Variants in FAT3 observed in about 807,000 individuals in gnomAD.
FAT3 encodes the protein protocadherin Fat 3.
In FAT3, 95 loss-of-function variants were observed where a neutral mutation model predicts 310.2. The observed-to-expected ratio is 0.31, with a 90% CI of 0.26 to 0.36. The LOEUF is 0.36. Ranked by LOEUF, FAT3 falls within the 10% of genes least tolerant of loss-of-function variation. The pLI is 1.00. For missense variants in FAT3, 5,408 were observed against 5,715.6 expected, an observed-to-expected ratio of 0.95 and a Z score of 1.74; for synonymous variants, 2,314 against 2,192.9, an observed-to-expected ratio of 1.06 and a Z score of -1.54.
intron 2 of FAT3, chr11:92,400,488 A>G (rs1949988701): frequency 6.6e-6 from 1 of 152,236 alleles, no homozygotes; most frequent in African/African-American, 2.4e-5. Flanking sequence ...ATTATGAAAG[A>G]AACCAAAATA....
chr11:92,339,556 T>C (rs1288545383), intron 1 of FAT3, among the ~76,000 whole-genome samples: 2 of 152,148 alleles, frequency 1.3e-5, no homozygotes, highest in Non-Finnish European at 2.9e-5. Context: ...TTTAGAATAA[T>C]AGTAAGTATT....
chr11:92,806,259 A>G (rs1413359460), intron 11 of FAT3, 103 bp from the exon 12 acceptor site: 6 of 1,075,090 alleles, frequency 5.6e-6, no homozygotes, highest in Non-Finnish European at 8.0e-6. Flanking sequence ...ACAAAAGCTA[A>G]ATTATATAAA....
At chr11:92,538,192 A>C (rs1417717755) in intron 3 of FAT3, among the ~76,000 whole-genome samples, 1 of 152,114 alleles carries the variant, frequency 6.6e-6, no homozygotes, top group Non-Finnish European at 1.5e-5. Flanking sequence ...TATTAAGTGT[A>C]TTATTCTATT....
intron 3 of FAT3, among the ~76,000 whole-genome samples, chr11:92,644,735 A>G (rs369663774): frequency 3.3e-5 from 5 of 152,214 alleles, no homozygotes; most frequent in Admixed American, 2.0e-4. Context: ...CTGCCTTTTC[A>G]TAGCTCATTG....
chr11:92,655,023 A>G (rs1350688964), intron 3 of FAT3, among the ~76,000 whole-genome samples: 2 of 152,058 alleles, frequency 1.3e-5, no homozygotes, highest in African/African-American at 4.8e-5. Context: ...GACCTCTTCC[A>G]GGTTTCTGAA....
At chr11:92,239,834 A>G (rs1011340367) in intron 1 of FAT3, among the ~76,000 whole-genome samples, 1 of 152,196 alleles carries the variant, frequency 6.6e-6, no homozygotes, top group Admixed American at 6.5e-5. Flanking sequence ...TTGAATCACA[A>G]TTACCCTCTG....
At chr11:92,487,044 ATCT>A (rs1410620678) in intron 2 of FAT3, among the ~76,000 whole-genome samples, 5 of 152,312 alleles carry the variant, frequency 3.3e-5, no homozygotes, top group Middle Eastern at 6.8e-3. Context: ...CAGAAGAAAC[ATCT>A]TCTGCCCCTT....
At chr11:92,710,710 G>A (rs1481903122) in intron 4 of FAT3, among the ~76,000 whole-genome samples, 9 of 152,148 alleles carry the variant, frequency 5.9e-5, no homozygotes, top group African/African-American at 7.2e-5. Context: ...GCGCAAGGCC[G>A]TGACAGACCC....
rs1242366302 is a variant in FAT3 at position 92,878,651 on chromosome 11, AAAAAAAAAAAAAAAAAG to A, written c.12128-2079_12128-2063del. On this transcript the variant is annotated intron_variant, in intron 22 of 27. Transcript: ENST00000525166. ...TTATGTGTTAAAAAAAAAAAAAAAAAAAAAAAAAAAAAAAAAGCTCCGCACAAAAAAAGTTCTTGGAA... is the reference window on the plus strand; with the variant it reads ...TTATGTGTTAAAAAAAAAAAAAAAAACTCCGCACAAAAAAAGTTCTTGGAA... Among the ~76,000 whole-genome samples the A allele has an allele frequency of 5.8e-3, 789 of 136,036 alleles. 29 individuals are homozygous for A. The highest frequency in any genetic ancestry group is 0.021 in the African/African-American group (717 of 33,736). 89.2% of individuals were successfully genotyped at this position (136,036 alleles called of 152,430 possible).
rs1338960656 is a variant in FAT3 at position 92,891,253 on chromosome 11, A to G, written c.*140A>G. 2 of 1,164,060 alleles carry G rather than the reference A, an allele frequency of 1.7e-6. No individual in the cohort carries two copies. Among genetic ancestry groups the G allele is most frequent in the Non-Finnish European group, 2.4e-6 (2 of 839,492 alleles). 72.1% of individuals were successfully genotyped at this position (1,164,060 alleles called of 1,614,324 possible). On this transcript the variant is annotated 3_prime_UTR_variant, in exon 28 of 28. Transcript: ENST00000525166. Reference sequence around the variant, plus strand: ...TCCACTAGAAACTTCTTCACAAGTCATACTGTCCCAACAAGCAAGCTTGAT... The same window carrying G: ...TCCACTAGAAACTTCTTCACAAGTCGTACTGTCCCAACAAGCAAGCTTGAT...
intron 1 of FAT3, among the ~76,000 whole-genome samples, chr11:92,270,449 C>T (rs1251951365): frequency 2.6e-5 from 4 of 151,502 alleles, no homozygotes; most frequent in African/African-American, 7.3e-5. Context: ...GAGGCAGAGG[C>T]GGGTGTATCA....
intron 2 of FAT3, among the ~76,000 whole-genome samples, chr11:92,396,753 C>T (rs1565284120): frequency 6.6e-6 from 1 of 152,128 alleles, no homozygotes. Context: ...GTTGCTCAAG[C>T]TGGAGTGTGG....
chr11:92,765,159 AAAAAG>A (rs1946271305), intron 6 of FAT3, 70 bp downstream of exon 6: 19 of 1,337,922 alleles, frequency 1.4e-5, no homozygotes, highest in South Asian at 7.6e-5. Flanking sequence ...GAAAAAAAAA[AAAAAG>A]AAAGAAAGCA....
At chr11:92,344,011 T>C (rs990395130) in intron 1 of FAT3, among the ~76,000 whole-genome samples, 1 of 152,162 alleles carries the variant, frequency 6.6e-6, no homozygotes, top group South Asian at 2.1e-4. Context: ...CATGATCAAA[T>C]AGATTTTTGA....
Position 92,641,333 on chromosome 11 carries a change from A to G in FAT3, c.3608-56051A>G, listed in dbSNP as rs150213799. Among the ~76,000 whole-genome samples, 250 of 152,348 alleles carry G rather than the reference A, an allele frequency of 1.6e-3. 3 individuals are homozygous for G. The highest frequency in any genetic ancestry group is 5.7e-3 in the African/African-American group (235 of 41,582). On this transcript the variant is annotated intron_variant, in intron 3 of 27. Transcript: ENST00000525166. ...TCTGCATAATTATAAATGTACTCTA[A>G]TAGCTTTTTAGTTTCCTAGGGCCAA...
At chr11:92,335,044 C>A (rs1280416889) in intron 1 of FAT3, among the ~76,000 whole-genome samples, 3 of 152,094 alleles carry the variant, frequency 2.0e-5, no homozygotes, top group African/African-American at 7.2e-5. Context: ...GATGATGTCG[C>A]CACAATGTTT....
intron 6 of FAT3, among the ~76,000 whole-genome samples, chr11:92,773,679 T>C (rs552333233): frequency 6.6e-6 from 1 of 152,218 alleles, no homozygotes; most frequent in African/African-American, 2.4e-5. Context: ...TTTAATCTAC[T>C]TTGGAAAAAA....
At chr11:92,466,151 A>G (rs940459716) in intron 2 of FAT3, among the ~76,000 whole-genome samples, 3 of 152,194 alleles carry the variant, frequency 2.0e-5, no homozygotes, top group Admixed American at 6.5e-5. Context: ...GGAATGATCA[A>G]ATATGATGTG....
At chr11:92,587,121 C>G (rs909194916) in intron 3 of FAT3, among the ~76,000 whole-genome samples, 1 of 151,960 alleles carries the variant, frequency 6.6e-6, no homozygotes. Context: ...CATTACATTT[C>G]TTAAGGATTT....
Sources: allele counts gnomAD v4.1 joint callset (sites outside exome capture counted in the v4.1 genomes callset), GRCh38; gene constraint gnomAD v4.1.1; transcripts MANE v1.5; gene names NCBI Gene and HGNC (gene_info 2026-07-23, HGNC 2026-07-21).